ARFIP2: variants seen among roughly 807,000 people sequenced by gnomAD.
The protein encoded by ARFIP2 is ARF interacting protein 2, also known as arfaptin-2.
A neutral mutation model predicts 39.2 loss-of-function variants in ARFIP2; 14 were observed. The ratio of observed to expected loss-of-function variants is 0.36; its 90% CI spans 0.24 to 0.56. The LOEUF (loss-of-function observed/expected upper bound fraction) is 0.56, where lower values mean the gene tolerates loss of function less well. Among genes scored for constraint, ARFIP2 ranks in the 20% least tolerant of loss-of-function variants. The probability of loss-of-function intolerance (pLI) is 0.85; values close to 1 mark genes in which losing one functional copy is unlikely to be tolerated. For missense variants in ARFIP2, 305 were observed against 422.5 expected (o/e 0.72, Z 2.44); for synonymous variants, 167 against 172.4 (o/e 0.97, Z 0.24).
chr11:6,477,160 G>A lies in ARFIP2; in HGVS notation c.979C>T (p.Leu327=), dbSNP rs780938078. 1 of 1,612,020 alleles carries A rather than the reference G, an allele frequency of 6.2e-7. No individual in the cohort carries two copies. The highest frequency in any genetic ancestry group is 8.5e-7 in the Non-Finnish European group (1 of 1,178,940). The stretch of plus-strand genomic sequence containing the variant: ...GGTTTCTCAGCTCCTGGAGGCCGCA[G>A]CTTGATGTTGAACTGCTGCAGGGTC... The part of the protein sequence containing the change: ...EQTLQQFNIK[L]RPPGAEKPSW... The change falls in exon 8 of 8, where the codon CTG becomes TTG. Residue 327 remains leucine, a synonymous_variant. Transcript: ENST00000396777. The surrounding 1 kb of genome is among the most constrained non-coding windows in gnomAD (Gnocchi z 4.8).
At chr11:6,479,679 A>G (rs567616461) in intron 3 of ARFIP2, 1 of 536,592 alleles carries the variant, frequency 1.9e-6, no homozygotes, top group South Asian at 2.5e-5. Context: ...CAAAGTTCCA[A>G]CTCAGCCTCA....
chr11:6,477,626 C>T lies in ARFIP2; in HGVS notation c.870+92G>A. ...AACACTCTACTCCCCAGCTAGGCTG[C>T]ATTTCCTCATTCAATAATGGGGAGG... On this transcript the variant is annotated intron_variant, in intron 7 of 7. Coordinates refer to ENST00000396777, the MANE Select transcript of ARFIP2 (RefSeq NM_001376558.2). This position sits in a 1 kb window ranked among gnomAD's most constrained non-coding sequence, Gnocchi z 4.8. 2.1e-6 allele frequency: 3 copies of T among 1,431,494 alleles called. No individual in the cohort carries two copies. Among genetic ancestry groups the T allele is most frequent in the Non-Finnish European group, 2.9e-6 (3 of 1,048,474 alleles). The allele number at this position is 1,431,494 out of a possible 1,614,324, so 88.7% of individuals were successfully genotyped here.
At chr11:6,479,939 C>T in intron 3 of ARFIP2, 33 bp downstream of exon 3, 1 of 1,598,496 alleles carries the variant, frequency 6.3e-7, no homozygotes, top group Non-Finnish European at 8.6e-7. Context: ...GTCCCCTCCT[C>T]CACCCAAGAT....
intron 1 of ARFIP2, 126 bp from the exon 2 acceptor site, chr11:6,480,589 C>T (rs1443899911): frequency 3.5e-6 from 2 of 579,006 alleles, no homozygotes; most frequent in Non-Finnish European, 6.0e-6. Context: ...TCATTCCTTT[C>T]TTCAGATATA....
chr11:6,480,253 AG>A lies in ARFIP2; in HGVS notation c.99+69del, dbSNP rs1851579877. ...AGTCAGGGGAAGGCTACTGGAATGG[AG>A]GGTGAGAACCTAGGATTTATAAATT... On this transcript the variant is annotated intron_variant, in intron 2 of 7. Transcript: ENST00000396777. 1.5e-5 allele frequency: 23 copies of A among 1,500,166 alleles called. No homozygotes were observed. In the Middle Eastern group the frequency reaches 6.8e-4, roughly 44 times the overall value. 92.9% of individuals were successfully genotyped at this position (1,500,166 alleles called of 1,614,324 possible).
intron 2 of ARFIP2, 60 bp downstream of exon 2, chr11:6,480,263 C>T (rs1230264111): frequency 6.5e-7 from 1 of 1,542,628 alleles, no homozygotes. Flanking sequence ...AGGGTGAGAA[C>T]CTAGGATTTA....
rs772069696 is a variant in ARFIP2 at position 6,478,911 on chromosome 11, C to T, written c.364G>A (p.Val122Met). 4 of 1,614,200 alleles carry T rather than the reference C, an allele frequency of 2.5e-6. No homozygotes were observed. The highest frequency in any genetic ancestry group is 1.3e-5 in the African/African-American group (1 of 75,038). Residue 122 changes from valine (V) to methionine (M), a missense_variant, in exon 5 of 8, where the codon GTG (valine) becomes ATG (methionine). This residue lies in a region of ARFIP2 where 151 missense variants were observed against 203.1 expected (regional missense o/e 0.74). Transcript: ENST00000396777. This position sits in a 1 kb window ranked among gnomAD's most constrained non-coding sequence, Gnocchi z 4.8. ...SERFGRGSRT[V>M]DLELELQIEL... Reference sequence around the variant, plus strand: ...ATCTGCAGCTCTAGCTCCAGGTCCACAGTCCGTGAGCCTCGACCAAATCGT... The same window carrying T: ...ATCTGCAGCTCTAGCTCCAGGTCCATAGTCCGTGAGCCTCGACCAAATCGT...
rs1427865292 is a variant in ARFIP2 at position 6,478,242 on chromosome 11, C to T, written c.538-44G>A. ...AACAGACCTTGAATAACACTCCCTA[C>T]CTGACTGAAGCTGTAGAGCCCTTCA... On this transcript the variant is annotated intron_variant, in intron 5 of 7. Coordinates refer to ENST00000396777, the MANE Select transcript of ARFIP2 (RefSeq NM_001376558.2). This position sits in a 1 kb window ranked among gnomAD's most constrained non-coding sequence, Gnocchi z 4.8. The T allele has an allele frequency of 6.2e-7, 1 of 1,610,088 alleles. No homozygotes were observed. The highest frequency in any genetic ancestry group is 8.5e-7 in the Non-Finnish European group (1 of 1,177,214).
chr11:6,477,821 C>A lies in ARFIP2; in HGVS notation c.767G>T (p.Gly256Val). 10 of 1,614,028 alleles carry A rather than the reference C, an allele frequency of 6.2e-6. No homozygotes were observed. Among genetic ancestry groups the A allele is most frequent in the Non-Finnish European group, 8.5e-6 (10 of 1,179,964 alleles). ...AGTGGCCTGGGCACTCTCAAGTCGACCACGTGTCCCTGCATCCCGGGGGCC... is the reference window on the plus strand; with the variant it reads ...AGTGGCCTGGGCACTCTCAAGTCGAACACGTGTCCCTGCATCCCGGGGGCC... ...SLGPRDAGTR[G>V]RLESAQATFQ... is the part of the protein sequence containing the mutation. Residue 256 changes from glycine (G) to valine (V), a missense_variant, in exon 7 of 8, where the codon GGT becomes GTT. Coordinates refer to ENST00000396777, the MANE Select transcript of ARFIP2 (RefSeq NM_001376558.2). The surrounding 1 kb of genome is among the most constrained non-coding windows in gnomAD (Gnocchi z 4.8).
Position 6,478,729 on chromosome 11 carries a change from G to C in ARFIP2, c.537+9C>G. On this transcript the variant is annotated intron_variant, in intron 5 of 7. Transcript: ENST00000396777. This position sits in a 1 kb window ranked among gnomAD's most constrained non-coding sequence, Gnocchi z 4.8. Reference sequence around the variant, plus strand: ...AGTTCCCCCACCCTCTTTGGTCTGGGTGAGGCACCTGAAGCTCTGGGGACT... The same window carrying C: ...AGTTCCCCCACCCTCTTTGGTCTGGCTGAGGCACCTGAAGCTCTGGGGACT... The C allele has an allele frequency of 6.2e-7, 1 of 1,607,344 alleles. No individual in the cohort carries two copies. Among genetic ancestry groups the C allele is most frequent in the Middle Eastern group, 1.7e-4 (1 of 6,042 alleles).
Position 6,479,964 on chromosome 11 carries a change from A to G in ARFIP2, c.196+8T>C. On this transcript the variant is annotated splice_region_variant and intron_variant, in intron 3 of 7. Coordinates refer to ENST00000396777, the MANE Select transcript of ARFIP2 (RefSeq NM_001376558.2). ...CCACCCAAGATTCCTGTTTCTGAAC[A>G]TTCATACCTGTGGGGATGAGTCCAT... 1 of 1,613,668 alleles carries G rather than the reference A, an allele frequency of 6.2e-7. No homozygotes were observed. The highest frequency in any genetic ancestry group is 8.5e-7 in the Non-Finnish European group (1 of 1,179,596).
At position 6,477,985 on chromosome 11, in the gene ARFIP2, A is replaced by T. The variant is rs2303493; in HGVS notation, c.695+56T>A. The T allele has an allele frequency of 1.2e-6, 2 of 1,604,506 alleles. No homozygotes were observed. The highest frequency in any genetic ancestry group is 1.7e-6 in the Non-Finnish European group (2 of 1,173,182). ...TGAATTCTTATGCCCCTAATGCCCA[A>T]ATTTCCACCCATACCAGCCAACTCC... On this transcript the variant is annotated intron_variant, in intron 6 of 7. Transcript: ENST00000396777. This position sits in a 1 kb window ranked among gnomAD's most constrained non-coding sequence, Gnocchi z 4.8.
At position 6,478,031 on chromosome 11, in the gene ARFIP2, G is replaced by T. The variant is rs1162314776; in HGVS notation, c.695+10C>A. On this transcript the variant is annotated intron_variant, in intron 6 of 7. Coordinates refer to ENST00000396777, the MANE Select transcript of ARFIP2 (RefSeq NM_001376558.2). The surrounding 1 kb of genome is among the most constrained non-coding windows in gnomAD (Gnocchi z 4.8). ...ACTCCCCAAACCCTAAGCCCTGCCAGTGCCCACACCTGGCAGCCTCATACT... is the reference window on the plus strand; with the variant it reads ...ACTCCCCAAACCCTAAGCCCTGCCATTGCCCACACCTGGCAGCCTCATACT... The T allele has an allele frequency of 3.1e-6, 5 of 1,612,882 alleles. No homozygotes were observed. The highest frequency in any genetic ancestry group is 4.2e-6 in the Non-Finnish European group (5 of 1,179,106).
At position 6,480,057 on chromosome 11, in the gene ARFIP2, C is replaced by CTAGG. The variant is rs754906677; in HGVS notation, c.110_111insCCTA (p.Gln37HisfsTer12). On this transcript the variant is annotated frameshift_variant, in exon 3 of 8. Coordinates refer to ENST00000396777, the MANE Select transcript of ARFIP2 (RefSeq NM_001376558.2). LOFTEE classifies it high-confidence loss of function. The stretch of plus-strand genomic sequence containing the variant: ...TGAGGTTGGGTCCTGACACCATCAC[C>CTAGG]TGCTGGAGGTCCTATAGGCCAGAGA... 1 of 1,613,826 alleles carries CTAGG rather than the reference C, an allele frequency of 6.2e-7. No homozygotes were observed. The highest frequency in any genetic ancestry group is 8.5e-7 in the Non-Finnish European group (1 of 1,179,884).
rs1338231292 is a variant in ARFIP2, at chr11:6,478,204, G to A, written c.538-6C>T. On this transcript the variant is annotated splice_region_variant and splice_polypyrimidine_tract_variant and intron_variant, in intron 5 of 7. Transcript: ENST00000396777. The surrounding 1 kb of genome is among the most constrained non-coding windows in gnomAD (Gnocchi z 4.8). The stretch of plus-strand genomic sequence containing the variant: ...GCATTGTAGCCAAATTCCTCCTGAG[G>A]GCAGAAGGGAGGAACAGACCTTGAA... 1 of 1,613,930 alleles carries A rather than the reference G, an allele frequency of 6.2e-7. No homozygotes were observed. The highest frequency in any genetic ancestry group is 8.5e-7 in the Non-Finnish European group (1 of 1,179,936).
intron 2 of ARFIP2, 32 bp downstream of exon 2, chr11:6,480,291 T>C (rs1180368222): frequency 6.3e-7 from 1 of 1,598,244 alleles, no homozygotes; most frequent in Non-Finnish European, 8.5e-7. Flanking sequence ...GATTCCTAAA[T>C]TGAAACAATT....
At position 6,478,999 on chromosome 11, in the gene ARFIP2, G is replaced by A. The variant is rs1298213316; in HGVS notation, c.316-40C>T. On this transcript the variant is annotated intron_variant, in intron 4 of 7. Transcript: ENST00000396777. The surrounding 1 kb of genome is among the most constrained non-coding windows in gnomAD (Gnocchi z 4.8). ...GGGGAATAAATCAGAGACCCTAACA[G>A]CCTCCCCACACAACAGGTATCTACC... The A allele has an allele frequency of 1.2e-6, 2 of 1,603,284 alleles. No individual in the cohort carries two copies. The highest frequency in any genetic ancestry group is 1.7e-6 in the Non-Finnish European group (2 of 1,171,336).
In ARFIP2 at chr11:6,478,515, A is replaced by G; in HGVS notation, c.537+223T>C. On this transcript the variant is annotated intron_variant, in intron 5 of 7. Transcript: ENST00000396777. This position sits in a 1 kb window ranked among gnomAD's most constrained non-coding sequence, Gnocchi z 4.8. ...ATTCTCCCCAGTGCAGAGAGGGGTT[A>G]TTTGTGAGGCACCTAGTGTGCCCCC... 7.3e-7 allele frequency: 1 copy of G among 1,378,368 alleles called. No homozygotes were observed. Among genetic ancestry groups the G allele is most frequent in the Non-Finnish European group, 9.5e-7 (1 of 1,047,988 alleles). 85.4% of individuals were successfully genotyped at this position (1,378,368 alleles called of 1,614,324 possible). A position where few individuals can be genotyped will look rare whatever the true frequency, so the allele number is the denominator to read the frequency against.
rs1802921 is a variant in ARFIP2 at position 6,476,654 on chromosome 11, C to A, written c.*459G>T. 0.019 allele frequency: 3,035 copies of A among 160,654 alleles called. 126 individuals are homozygous for A. Among genetic ancestry groups the A allele is most frequent in the African/African-American group, 0.07 (2,906 of 41,656 alleles). The allele number at this position is 160,654 out of a possible 1,614,324, so 10.0% of individuals were successfully genotyped here. A position where few individuals can be genotyped will look rare whatever the true frequency, so the allele number is the denominator to read the frequency against. On this transcript the variant is annotated 3_prime_UTR_variant, in exon 8 of 8. Coordinates refer to ENST00000396777, the MANE Select transcript of ARFIP2 (RefSeq NM_001376558.2). The stretch of plus-strand genomic sequence containing the variant: ...CAATGGGGCTCCCCATTATCCCCAC[C>A]CCTTTGGTCCCAGTCCCCTTCTCTG...
Sources: gnomAD v4.1 joint callset for allele counts on GRCh38, gnomAD v4.1.1 for gene constraint, gnomAD v4.1.1 regional missense constraint, Gnocchi (gnomAD v3.1) non-coding constraint, MANE v1.5 for transcripts, NCBI Gene and HGNC (gene_info 2026-07-23, HGNC 2026-07-21) for gene names.